Variants in LRBA observed in about 807,000 individuals in gnomAD.
LRBA encodes the protein lipopolysaccharide-responsive and beige-like anchor protein.
A neutral mutation model predicts 330.0 loss-of-function variants in LRBA; 176 were observed. The observed-to-expected ratio is 0.53, with a 90% CI of 0.47 to 0.60. The LOEUF is 0.60. Ranked by LOEUF, LRBA falls within the 20% of genes least tolerant of loss-of-function variation. The pLI is 0.00. For synonymous variants in LRBA, 1,230 were observed against 1,193.0 expected (o/e 1.03, Z -0.64); for missense variants, 3,259 against 3,444.8 (o/e 0.95, Z 1.35).
At chr4:150,640,595 A>T (rs1282318072) in intron 37 of LRBA, among the ~76,000 whole-genome samples, 1 of 152,200 alleles carries the variant, frequency 6.6e-6, no homozygotes, top group Non-Finnish European at 1.5e-5. Context: ...TAAATTTCAG[A>T]GGGTGAAGAA....
chr4:150,754,766 A>G (rs1471534642), intron 35 of LRBA, among the ~76,000 whole-genome samples: 1 of 152,174 alleles, frequency 6.6e-6, no homozygotes, highest in Non-Finnish European at 1.5e-5. Flanking sequence ...AAAAATTACA[A>G]TAAAAAAATT....
intron 41 of LRBA, among the ~76,000 whole-genome samples, chr4:150,490,056 C>T (rs1383181176): frequency 6.6e-6 from 1 of 151,480 alleles, no homozygotes; most frequent in Non-Finnish European, 1.5e-5. Flanking sequence ...GTGAAACATT[C>T]TCTTGATTAT....
intron 2 of LRBA, among the ~76,000 whole-genome samples, chr4:150,995,232 G>A (rs1561106628): frequency 2.6e-5 from 4 of 151,998 alleles, no homozygotes; most frequent in Admixed American, 1.3e-4. Context: ...AGAGACTAGA[G>A]CATGACAGAA....
intron 36 of LRBA, among the ~76,000 whole-genome samples, chr4:150,690,377 C>T (rs538824714): frequency 2.6e-5 from 4 of 152,006 alleles, no homozygotes; most frequent in Admixed American, 2.0e-4. Flanking sequence ...GTGGCACACG[C>T]CTGTAATCCC....
At chr4:150,715,158 C>A (rs1433902439) in intron 36 of LRBA, among the ~76,000 whole-genome samples, 2 of 152,104 alleles carry the variant, frequency 1.3e-5, no homozygotes, top group Non-Finnish European at 2.9e-5. Context: ...TAAATTTATA[C>A]CCAACCACAA....
intron 28 of LRBA, among the ~76,000 whole-genome samples, chr4:150,834,636 A>G (rs1018417357): frequency 2.0e-5 from 3 of 152,226 alleles, no homozygotes; most frequent in Non-Finnish European, 4.4e-5. Context: ...CAGGCAGAGT[A>G]GATTTATAAT....
At chr4:150,724,872 GTATATATATACATATATATATGTA>G (rs1461420902) in intron 36 of LRBA, among the ~76,000 whole-genome samples, 5 of 144,644 alleles carry the variant, frequency 3.5e-5, no homozygotes, top group African/African-American at 1.3e-4. Context: ...TTAAATATAT[GTATATATATACATATATATATGTA>G]TATATATACA....
At chr4:150,336,313 T>C (rs1164652110) in intron 48 of LRBA, among the ~76,000 whole-genome samples, 2 of 152,244 alleles carry the variant, frequency 1.3e-5, no homozygotes, top group Non-Finnish European at 2.9e-5. Flanking sequence ...ATATTGAGTT[T>C]ACTTTTTTAA....
chr4:150,653,540 A>C (rs973329270), intron 37 of LRBA, among the ~76,000 whole-genome samples: 18 of 152,158 alleles, frequency 1.2e-4, no homozygotes, highest in Admixed American at 3.3e-4. Context: ...AATCAAGCCA[A>C]TTATTTTCAC....
rs1426305058 is a variant in LRBA, at chr4:150,421,023, AAT to A, written c.7042-5435_7042-5434del. 6.9e-3 allele frequency among the ~76,000 whole-genome samples: 39 copies of A among 5,620 alleles called. 12 individuals are homozygous for A. Among genetic ancestry groups the A allele is most frequent in the African/African-American group, 0.025 (34 of 1,358 alleles). The allele number at this position is 5,620 out of a possible 152,430, so 3.7% of individuals were successfully genotyped here. A position where few individuals can be genotyped will look rare whatever the true frequency, so the allele number is the denominator to read the frequency against. ...ATAAAGTATATATAATATACATTAT[AAT>A]ATATATAAAGTATATATAATATACA... On this transcript the variant is annotated intron_variant, in intron 46 of 56. Transcript: ENST00000651943.
intron 2 of LRBA, among the ~76,000 whole-genome samples, chr4:150,973,804 G>A (rs1739851038): frequency 6.6e-6 from 1 of 152,136 alleles, no homozygotes; most frequent in African/African-American, 2.4e-5. Flanking sequence ...ACCAGCCTGG[G>A]CAAAATAGCG....
intron 46 of LRBA, among the ~76,000 whole-genome samples, chr4:150,429,497 A>C (rs1428677938): frequency 6.6e-6 from 1 of 152,078 alleles, no homozygotes; most frequent in Non-Finnish European, 1.5e-5. Context: ...GAAACCATTT[A>C]CGATAGGGGG....
intron 37 of LRBA, among the ~76,000 whole-genome samples, chr4:150,682,613 TA>T (rs750662048): frequency 2.6e-5 from 4 of 152,154 alleles, no homozygotes; most frequent in Non-Finnish European, 4.4e-5. Flanking sequence ...TTTACTTTTC[TA>T]AAAGTTAAAA....
At chr4:150,555,823 G>A (rs1006092975) in intron 40 of LRBA, among the ~76,000 whole-genome samples, 8 of 149,984 alleles carry the variant, frequency 5.3e-5, no homozygotes, top group Non-Finnish European at 1.2e-4. Context: ...CTTTTTTTGA[G>A]ACAGGGTCTT....
At chr4:150,335,350 A>C (rs940134214) in intron 48 of LRBA, among the ~76,000 whole-genome samples, 3 of 151,462 alleles carry the variant, frequency 2.0e-5, no homozygotes, top group African/African-American at 7.3e-5. Context: ...TAACTACCAA[A>C]GTATATAGAG....
At chr4:150,279,816 A>G (rs888153841) in intron 55 of LRBA, among the ~76,000 whole-genome samples, 1 of 152,212 alleles carries the variant, frequency 6.6e-6, no homozygotes, top group African/African-American at 2.4e-5. Context: ...ACAAATGGCA[A>G]TCTCTAGGGG....
chr4:150,629,835 G>GT (rs1207465864), intron 37 of LRBA, among the ~76,000 whole-genome samples: 1 of 152,016 alleles, frequency 6.6e-6, no homozygotes, highest in Non-Finnish European at 1.5e-5. Flanking sequence ...GCTACGCATG[G>GT]TGGTGGGCAC....
intron 37 of LRBA, among the ~76,000 whole-genome samples, chr4:150,619,700 G>A (rs1447957809): frequency 6.6e-6 from 1 of 152,096 alleles, no homozygotes; most frequent in African/African-American, 2.4e-5. Context: ...CTCCACAACT[G>A]AGGGCAGTCT....
At chr4:150,926,381 G>C (rs1364155871) in intron 4 of LRBA, among the ~76,000 whole-genome samples, 1 of 152,090 alleles carries the variant, frequency 6.6e-6, no homozygotes, top group Non-Finnish European at 1.5e-5. Context: ...CGCCTGAATA[G>C]TAAAACTAAA....
Sources: gnomAD v4.1 joint callset for allele counts (sites outside exome capture counted in the v4.1 genomes callset) on GRCh38, gnomAD v4.1.1 for gene constraint, MANE v1.5 for transcripts, NCBI Gene and HGNC (gene_info 2026-07-23, HGNC 2026-07-21) for gene names.